The following EPHB2 variants were observed in gnomAD, a reference collection of about 807,000 sequenced individuals.
The protein encoded by EPHB2 is ephrin type-B receptor 2.
EPHB2 carries 18 observed loss-of-function variants against 96.4 expected under a neutral mutation model. The observed-to-expected ratio is 0.19, with a 90% CI of 0.13 to 0.28. The LOEUF is 0.28. Ranked by LOEUF, EPHB2 falls within the 10% of genes least tolerant of loss-of-function variation. The pLI is 1.00. For missense variants in EPHB2, 989 were observed against 1,355.4 expected (o/e 0.73, Z 4.25); for synonymous variants, 506 against 534.1 (o/e 0.95, Z 0.72).
chr1:22,827,362 C>T (rs1448551781), intron 3 of EPHB2, among the ~76,000 whole-genome samples: 4 of 152,246 alleles, frequency 2.6e-5, no homozygotes, highest in Admixed American at 2.0e-4. Context: ...CCCAACCTGG[C>T]TCACAGCAGG....
chr1:22,896,474 C>A lies in EPHB2; in HGVS notation c.1761C>A (p.Gly587=), dbSNP rs1293200652. The stretch of plus-strand genomic sequence containing the variant: ...ACAAGCTGCAACACTACACCAGTGG[C>A]CACAGTATGTACACACCCAAGCGGG... The part of the protein sequence containing the change: ...YTDKLQHYTS[G]HMTPGMKIYI... The change falls in exon 9 of 16, where the codon GGC becomes GGA. Residue 587 remains glycine (G), a synonymous_variant. Transcript: ENST00000374630. The A allele has an allele frequency of 6.2e-7, 1 of 1,614,022 alleles. No homozygotes were observed. The highest frequency in any genetic ancestry group is 8.5e-7 in the Non-Finnish European group (1 of 1,180,010).
rs1645552285 is a variant in EPHB2, at chr1:22,846,942, C to A, written c.812-16095C>A. ...GCTGGGAGCCCCTTGAGCTGTGGATCCCTAAGCCCAGCCCAGGCACCAGCC... is the reference window on the plus strand; with the variant it reads ...GCTGGGAGCCCCTTGAGCTGTGGATACCTAAGCCCAGCCCAGGCACCAGCC... On this transcript the variant is annotated intron_variant, in intron 3 of 15. Coordinates refer to ENST00000374630, the MANE Select transcript of EPHB2 (RefSeq NM_017449.5). The surrounding 1 kb of genome is among the most constrained non-coding windows in gnomAD (Gnocchi z 4.3). Among the ~76,000 whole-genome samples, 3 of 152,188 alleles carry A rather than the reference C, an allele frequency of 2.0e-5. No homozygotes were observed. In the South Asian group the frequency reaches 6.2e-4, roughly 32 times the overall value.
chr1:22,860,250 A>C lies in EPHB2; in HGVS notation c.812-2787A>C, dbSNP rs1443290347. Among the ~76,000 whole-genome samples, 1 of 152,102 alleles carries C rather than the reference A, an allele frequency of 6.6e-6. No individual in the cohort carries two copies. The highest frequency in any genetic ancestry group is 1.5e-5 in the Non-Finnish European group (1 of 68,032). On this transcript the variant is annotated intron_variant, in intron 3 of 15. Coordinates refer to ENST00000374630, the MANE Select transcript of EPHB2 (RefSeq NM_017449.5). This position sits in a 1 kb window ranked among gnomAD's most constrained non-coding sequence, Gnocchi z 4.6. ...GAGAGGCTGAGGAGTGGGTGGAAAG[A>C]GCTTTCTAGATGCTGGCAGCGGGGG...
At chr1:22,737,868 C>T (rs897212430) in intron 1 of EPHB2, among the ~76,000 whole-genome samples, 1 of 152,202 alleles carries the variant, frequency 6.6e-6, no homozygotes, top group African/African-American at 2.4e-5. Context: ...CAGCATGACA[C>T]TCCCACAAGA....
At chr1:22,772,178 A>G (rs1644387915) in intron 1 of EPHB2, among the ~76,000 whole-genome samples, 1 of 151,956 alleles carries the variant, frequency 6.6e-6, no homozygotes, top group African/African-American at 2.4e-5. Flanking sequence ...TGGCTGCACA[A>G]TGTGGCCCGC....
chr1:22,753,900 C>T (rs560154747), intron 1 of EPHB2, among the ~76,000 whole-genome samples: 1 of 152,324 alleles, frequency 6.6e-6, no homozygotes, highest in African/African-American at 2.4e-5. Context: ...CCCCAAACCT[C>T]TGCCTCAAGC....
Position 22,733,335 on chromosome 1 carries a change from C to G in EPHB2, c.61+22292C>G, listed in dbSNP as rs1246446309. Among the ~76,000 whole-genome samples, 2 of 152,128 alleles carry G rather than the reference C, an allele frequency of 1.3e-5. No homozygotes were observed. The highest frequency in any genetic ancestry group is 2.9e-5 in the Non-Finnish European group (2 of 68,026). ...AAGTGCTGGGATTGCAGGCGTGAAC[C>G]ACTGTGGCTGGCCCAGGCTGCCTTT... On this transcript the variant is annotated intron_variant, in intron 1 of 15. Transcript: ENST00000374630. The surrounding 1 kb of genome is among the most constrained non-coding windows in gnomAD (Gnocchi z 4.6).
chr1:22,801,472 G>A (rs1644842304), intron 3 of EPHB2, among the ~76,000 whole-genome samples: 1 of 152,056 alleles, frequency 6.6e-6, no homozygotes, highest in Non-Finnish European at 1.5e-5. Flanking sequence ...CAAGGGCTTT[G>A]TCGAACTTCA....
chr1:22,883,886 A>G (rs371164450), intron 6 of EPHB2, among the ~76,000 whole-genome samples: 4 of 152,146 alleles, frequency 2.6e-5, no homozygotes, highest in African/African-American at 9.7e-5. Context: ...ACACTTGATC[A>G]ATATCAGTTG....
intron 3 of EPHB2, among the ~76,000 whole-genome samples, chr1:22,845,947 A>T (rs1032987323): frequency 1.3e-5 from 2 of 152,212 alleles, no homozygotes; most frequent in African/African-American, 2.4e-5. Flanking sequence ...ACCCTTTAAA[A>T]CTGAGAAGGT....
At chr1:22,765,419 C>T (rs6426767) in intron 1 of EPHB2, among the ~76,000 whole-genome samples, 33,607 of 151,702 alleles carry the variant, frequency 0.22, 4,130 homozygotes, top group Non-Finnish European at 0.27. Context: ...TGGTGGCGGG[C>T]ACCTGTAATC....
intron 3 of EPHB2, among the ~76,000 whole-genome samples, chr1:22,829,186 C>T (rs958044765): frequency 2.0e-5 from 3 of 152,252 alleles, no homozygotes; most frequent in African/African-American, 7.2e-5. Context: ...GTGGGCGGAT[C>T]CACTATGGGG....
intron 5 of EPHB2, among the ~76,000 whole-genome samples, chr1:22,866,788 G>T (rs1264066538): frequency 6.6e-6 from 1 of 152,066 alleles, no homozygotes; most frequent in Non-Finnish European, 1.5e-5. Flanking sequence ...ACAAAAATTA[G>T]CCAGGTATGG....
intron 6 of EPHB2, chr1:22,891,209 G>A: frequency 2.2e-6 from 1 of 456,038 alleles, no homozygotes; most frequent in Admixed American, 2.3e-5. Context: ...AACCCAAGAA[G>A]TCTGGCTCCA....
chr1:22,870,282 T>C, intron 5 of EPHB2, among the ~76,000 whole-genome samples: 1 of 152,158 alleles, frequency 6.6e-6, no homozygotes, highest in East Asian at 1.9e-4. Context: ...CCAGAGCACC[T>C]TTCTGCCTCA....
chr1:22,748,011 C>T (rs75677049), intron 1 of EPHB2, among the ~76,000 whole-genome samples: 9,334 of 152,244 alleles, frequency 0.061, 821 homozygotes, highest in African/African-American at 0.19. Context: ...TAGCTGAGAA[C>T]GAGTATGACT....
At chr1:22,855,078 A>G (rs1645679152) in intron 3 of EPHB2, among the ~76,000 whole-genome samples, 1 of 152,216 alleles carries the variant, frequency 6.6e-6, no homozygotes, top group South Asian at 2.1e-4. Context: ...AAGCTGGAAG[A>G]AGCCCTAGAG....
chr1:22,799,001 C>T (rs979063177), intron 3 of EPHB2, among the ~76,000 whole-genome samples: 12 of 152,090 alleles, frequency 7.9e-5, no homozygotes, highest in African/African-American at 2.4e-4. Flanking sequence ...TAAGCAAGTC[C>T]GAGCACACAG....
chr1:22,824,348 C>T (rs1645194095), intron 3 of EPHB2, among the ~76,000 whole-genome samples: 1 of 152,096 alleles, frequency 6.6e-6, no homozygotes, highest in Non-Finnish European at 1.5e-5. Flanking sequence ...GGCCTCCATC[C>T]AACTCAGGCC....
Sources: allele counts gnomAD v4.1 joint callset (sites outside exome capture counted in the v4.1 genomes callset), GRCh38; gene constraint gnomAD v4.1.1; non-coding constraint Gnocchi (gnomAD v3.1); transcripts MANE v1.5; gene names NCBI Gene and HGNC (gene_info 2026-07-23, HGNC 2026-07-21).